Variants in RUNDC3B observed in about 807,000 individuals in gnomAD.
The protein encoded by RUNDC3B is RUN domain-containing protein 3B.
A neutral mutation model predicts 58.4 loss-of-function variants in RUNDC3B; 33 were observed. The ratio of observed to expected loss-of-function variants is 0.56; its 90% CI spans 0.43 to 0.75. The LOEUF (loss-of-function observed/expected upper bound fraction) is 0.75, where lower values mean the gene tolerates loss of function less well. Ranked by LOEUF, RUNDC3B falls within the 30% of genes least tolerant of loss-of-function variation. The pLI is 0.00. For synonymous variants in RUNDC3B, 193 were observed against 195.2 expected (o/e 0.99, Z 0.10); for missense variants, 501 against 535.7 (o/e 0.94, Z 0.64).
intron 4 of RUNDC3B, among the ~76,000 whole-genome samples, chr7:87,729,641 G>A (rs1351621182): frequency 6.6e-6 from 1 of 152,176 alleles, no homozygotes; most frequent in Admixed American, 6.5e-5. Context: ...TTAAAAAGCA[G>A]TCTAGGCCAA....
Position 87,650,844 on chromosome 7 carries a change from G to A in RUNDC3B, c.145G>A (p.Asp49Asn). 1 of 1,609,018 alleles carries A rather than the reference G, an allele frequency of 6.2e-7. No individual in the cohort carries two copies. Among genetic ancestry groups the A allele is most frequent in the Non-Finnish European group, 8.5e-7 (1 of 1,175,694 alleles). The part of the protein sequence containing the change: ...VCRFSVKTLI[D>N]RSCFETIDDS... ...TAGGTTTTCTGTGAAGACCCTGATT[G>A]ATCGGTCTTGCTTTGAGACAATTGA... Residue 49 changes from aspartate (D) to asparagine (N), a missense_variant, in exon 2 of 11, where the codon GAT becomes AAT. Transcript: ENST00000394654.
At chr7:87,736,893 T>A (rs867802597) in intron 4 of RUNDC3B, among the ~76,000 whole-genome samples, 193 of 61,444 alleles carry the variant, frequency 3.1e-3, no homozygotes, top group Non-Finnish European at 4.6e-3. Context: ...ATATATATTT[T>A]TTTTTTTTTT....
rs953923317 is a variant in RUNDC3B at position 87,671,029 on chromosome 7, T to A, written c.238+20092T>A. ...GCAGAGAAAGGGATCTTATTAGTAGTTGTGACTGAGGGTCATTTGCTTGTT... is the reference window on the plus strand; with the variant it reads ...GCAGAGAAAGGGATCTTATTAGTAGATGTGACTGAGGGTCATTTGCTTGTT... On this transcript the variant is annotated intron_variant, in intron 2 of 10. Coordinates refer to ENST00000394654, the MANE Select transcript of RUNDC3B (RefSeq NM_001134405.2). Among the ~76,000 whole-genome samples the A allele has an allele frequency of 4.6e-5, 7 of 152,180 alleles. No individual in the cohort carries two copies. The East Asian group carries it at 1.4e-3, about 29-fold the overall frequency.
intron 4 of RUNDC3B, 25 bp downstream of exon 4, chr7:87,710,680 A>AAT: frequency 7.7e-7 from 1 of 1,303,402 alleles, no homozygotes; most frequent in Non-Finnish European, 1.1e-6. Context: ...TTAATTTTCT[A>AAT]ATATATATTT....
intron 1 of RUNDC3B, among the ~76,000 whole-genome samples, chr7:87,640,324 A>G (rs1822300403): frequency 6.6e-6 from 1 of 151,610 alleles, no homozygotes; most frequent in African/African-American, 2.4e-5. Flanking sequence ...GTTTTGGAAA[A>G]ATTTTGGTTA....
chr7:87,730,467 C>T (rs1226931595), intron 4 of RUNDC3B, among the ~76,000 whole-genome samples: 1 of 151,602 alleles, frequency 6.6e-6, no homozygotes, highest in Non-Finnish European at 1.5e-5. Context: ...TGAGAAGAGA[C>T]TCTTCTGCTT....
intron 7 of RUNDC3B, among the ~76,000 whole-genome samples, chr7:87,772,274 A>G (rs1239308254): frequency 2.0e-5 from 3 of 152,206 alleles, no homozygotes; most frequent in African/African-American, 4.8e-5. Context: ...AAATTTAACA[A>G]TCAGTTCTCG....
At chr7:87,693,654 G>A (rs1165699048) in intron 2 of RUNDC3B, among the ~76,000 whole-genome samples, 1 of 152,106 alleles carries the variant, frequency 6.6e-6, no homozygotes, top group East Asian at 1.9e-4. Context: ...AACAATTTCT[G>A]CTCACATATT....
chr7:87,752,288 T>C (rs971833521), intron 6 of RUNDC3B, among the ~76,000 whole-genome samples: 5 of 152,228 alleles, frequency 3.3e-5, no homozygotes, highest in African/African-American at 1.2e-4. Flanking sequence ...AGTATTTTAT[T>C]GAGGATTTTT....
At chr7:87,750,711 CT>C (rs1832925179) in intron 6 of RUNDC3B, among the ~76,000 whole-genome samples, 1 of 150,804 alleles carries the variant, frequency 6.6e-6, no homozygotes, top group Admixed American at 6.6e-5. Flanking sequence ...CCTTCGCCCA[CT>C]TTTTGATGGG....
At chr7:87,827,652 C>T (rs1423168186) in intron 10 of RUNDC3B, among the ~76,000 whole-genome samples, 1 of 152,030 alleles carries the variant, frequency 6.6e-6, no homozygotes, top group East Asian at 1.9e-4. Context: ...TGATATCCCC[C>T]TTTATATAAG....
intron 6 of RUNDC3B, among the ~76,000 whole-genome samples, chr7:87,753,692 T>C (rs949070489): frequency 5.9e-5 from 9 of 152,184 alleles, no homozygotes; most frequent in African/African-American, 1.7e-4. Flanking sequence ...TACTGAAAAC[T>C]TTGAAGTCAT....
Position 87,691,397 on chromosome 7 carries a change from A to G in RUNDC3B, c.239-9024A>G, listed in dbSNP as rs73705302. On this transcript the variant is annotated intron_variant, in intron 2 of 10. Coordinates refer to ENST00000394654, the MANE Select transcript of RUNDC3B (RefSeq NM_001134405.2). ...CCTGAAATAACTATATGGTATAATT[A>G]TACTGTTGTATTTGAATGCATTTTG... is the stretch of plus-strand genomic sequence containing the variant. 3.2e-3 allele frequency among the ~76,000 whole-genome samples: 494 copies of G among 152,252 alleles called. 3 individuals carry two copies. The highest frequency in any genetic ancestry group is 0.011 in the African/African-American group (465 of 41,554).
Position 87,667,397 on chromosome 7 carries a change from GT to G in RUNDC3B, c.238+16471del, listed in dbSNP as rs202009483. Among the ~76,000 whole-genome samples, 44 of 147,332 alleles carry G rather than the reference GT, an allele frequency of 3.0e-4. No homozygotes were observed. In the South Asian group the frequency reaches 4.5e-3, roughly 15 times the overall value. On this transcript the variant is annotated intron_variant, in intron 2 of 10. Transcript: ENST00000394654. ...GGAGGAACTTTTGGGCCAAGACTAT[GT>G]TTTTTTTTTTCTAGATATAGAATCA... is the stretch of plus-strand genomic sequence containing the variant.
chr7:87,718,269 A>T (rs78170192), intron 4 of RUNDC3B, among the ~76,000 whole-genome samples: 309 of 152,304 alleles, frequency 2.0e-3, no homozygotes, highest in South Asian at 4.8e-3. Context: ...TTTGGACAAC[A>T]TACATGAAAT....
At chr7:87,726,873 A>G (rs994931090) in intron 4 of RUNDC3B, among the ~76,000 whole-genome samples, 5 of 152,034 alleles carry the variant, frequency 3.3e-5, no homozygotes, top group African/African-American at 1.2e-4. Context: ...TTCACTCATG[A>G]TTTGGCTCTC....
chr7:87,696,784 A>G (rs907608865), intron 2 of RUNDC3B, among the ~76,000 whole-genome samples: 1 of 152,120 alleles, frequency 6.6e-6, no homozygotes, highest in African/African-American at 2.4e-5. Flanking sequence ...AGTCATGATG[A>G]TATGCCGTCC....
intron 2 of RUNDC3B, among the ~76,000 whole-genome samples, chr7:87,679,768 A>T (rs964452814): frequency 2.0e-5 from 3 of 150,430 alleles, no homozygotes; most frequent in African/African-American, 7.4e-5. Flanking sequence ...CAAGTGGAAC[A>T]TTAAAAAAGA....
intron 2 of RUNDC3B, among the ~76,000 whole-genome samples, chr7:87,663,141 T>C (rs982292186): frequency 6.6e-6 from 1 of 152,130 alleles, no homozygotes; most frequent in African/African-American, 2.4e-5. Flanking sequence ...GGCTTTTTGG[T>C]GAATTCTTTA....
Sources: allele counts gnomAD v4.1 joint callset (sites outside exome capture counted in the v4.1 genomes callset), GRCh38; gene constraint gnomAD v4.1.1; transcripts MANE v1.5; gene names NCBI Gene and HGNC (gene_info 2026-07-23, HGNC 2026-07-21).